Variants in EPHA6 observed in about 807,000 individuals in gnomAD.
EPHA6 encodes the protein EPH receptor A6, also known as ephrin type-A receptor 6.
Under a neutral mutation model 112.0 loss-of-function variants are expected in EPHA6, and 50 were observed. The observed-to-expected ratio is 0.45, with a 90% CI of 0.36 to 0.56. The LOEUF (loss-of-function observed/expected upper bound fraction) is 0.56, where lower values mean the gene tolerates loss of function less well. Ranked by LOEUF, EPHA6 falls within the 20% of genes least tolerant of loss-of-function variation. The pLI, the probability that EPHA6 is intolerant of heterozygous loss-of-function variation, is 0.00. For missense variants in EPHA6, 1,280 were observed against 1,417.4 expected, an observed-to-expected ratio of 0.90 and a Z score of 1.56; for synonymous variants, 529 against 490.7, an observed-to-expected ratio of 1.08 and a Z score of -1.03.
chr3:97,450,160 C>A (rs1384033457), intron 7 of EPHA6, among the ~76,000 whole-genome samples: 2 of 151,968 alleles, frequency 1.3e-5, no homozygotes, highest in African/African-American at 4.8e-5. Context: ...GTATTATGAT[C>A]ACAAAACATA....
chr3:97,135,842 C>T (rs773979508), intron 3 of EPHA6, among the ~76,000 whole-genome samples: 54 of 151,494 alleles, frequency 3.6e-4, no homozygotes, highest in Non-Finnish European at 5.3e-4. Flanking sequence ...CTCAACTAGA[C>T]GCTGGATTAA....
At chr3:97,074,616 G>A (rs1031944686) in intron 3 of EPHA6, among the ~76,000 whole-genome samples, 2 of 151,662 alleles carry the variant, frequency 1.3e-5, no homozygotes, top group African/African-American at 2.4e-5. Context: ...CAATAGAAAC[G>A]TTTTAATTTT....
rs573617035 is a variant in EPHA6, at chr3:97,627,979, C to A, written c.2575-9894C>A. Among the ~76,000 whole-genome samples the A allele has an allele frequency of 3.9e-5, 6 of 151,974 alleles. No individual in the cohort carries two copies. The East Asian group carries it at 7.8e-4, about 20-fold the overall frequency. On this transcript the variant is annotated intron_variant, in intron 13 of 17. Coordinates refer to ENST00000389672, the MANE Select transcript of EPHA6 (RefSeq NM_001080448.3). The stretch of plus-strand genomic sequence containing the variant: ...ACTACTGAAATGAGGCCTAGTAGGC[C>A]ATTATAATGACTTTGACTCTTCTCT...
At chr3:97,648,536 C>A in intron 14 of EPHA6, 1 of 1,259,284 alleles carries the variant, frequency 7.9e-7, no homozygotes. Flanking sequence ...TGAACATGTC[C>A]AACTTTAAGA....
intron 3 of EPHA6, among the ~76,000 whole-genome samples, chr3:97,213,599 G>A (rs2077940623): frequency 6.6e-6 from 1 of 152,112 alleles, no homozygotes; most frequent in African/African-American, 2.4e-5. Flanking sequence ...GTTCATTCAG[G>A]GCAGGAGAGG....
chr3:97,198,136 C>A (rs1405631426), intron 3 of EPHA6, among the ~76,000 whole-genome samples: 2 of 152,086 alleles, frequency 1.3e-5, no homozygotes, highest in Non-Finnish European at 2.9e-5. Context: ...GTACTATGGT[C>A]ACTCACCTGA....
At chr3:97,143,589 T>A (rs1419362294) in intron 3 of EPHA6, among the ~76,000 whole-genome samples, 1 of 151,804 alleles carries the variant, frequency 6.6e-6, no homozygotes, top group Non-Finnish European at 1.5e-5. Flanking sequence ...CTTATACAAC[T>A]ACCTCAATCT....
intron 3 of EPHA6, among the ~76,000 whole-genome samples, chr3:97,096,688 A>G (rs2047249671): frequency 6.6e-6 from 1 of 151,940 alleles, no homozygotes; most frequent in Non-Finnish European, 1.5e-5. Flanking sequence ...ACTTTTGCCT[A>G]TTTTATGTGA....
At chr3:97,413,735 T>C (rs2087902958) in intron 6 of EPHA6, among the ~76,000 whole-genome samples, 1 of 151,934 alleles carries the variant, frequency 6.6e-6, no homozygotes. Flanking sequence ...ATATTTTCTT[T>C]CACAAGCCAA....
At position 97,431,653 on chromosome 3, in the gene EPHA6, T is replaced by C. The variant is rs562254106; in HGVS notation, c.1732-16915T>C. 4.6e-5 allele frequency among the ~76,000 whole-genome samples: 7 copies of C among 152,260 alleles called. No individual in the cohort carries two copies. The South Asian group carries it at 1.4e-3, about 32-fold the overall frequency. ...ATATATATAGCTATTACAACTCCTG[T>C]TATCCACAACTCCTTGGTAATTTTC... On this transcript the variant is annotated intron_variant, in intron 6 of 17. Transcript: ENST00000389672.
chr3:97,584,909 G>A (rs2093474209), intron 11 of EPHA6, among the ~76,000 whole-genome samples: 1 of 152,322 alleles, frequency 6.6e-6, no homozygotes, highest in Admixed American at 6.5e-5. Context: ...TGAAAGAGAA[G>A]ATAAATAACT....
At position 97,473,841 on chromosome 3, in the gene EPHA6, TTTAAC is replaced by T. The variant is rs377584569; in HGVS notation, c.1895-1508_1895-1504del. 4.3e-3 allele frequency among the ~76,000 whole-genome samples: 658 copies of T among 151,956 alleles called. 3 individuals are homozygous for T. The highest frequency in any genetic ancestry group is 0.013 in the African/African-American group (551 of 41,546). ...TTATTTATTGGATAAGATGCAACTA[TTTAAC>T]TTGTCTCTGCACAGATTATGAGTGA... On this transcript the variant is annotated intron_variant, in intron 7 of 17. Coordinates refer to ENST00000389672, the MANE Select transcript of EPHA6 (RefSeq NM_001080448.3).
At chr3:97,582,526 A>G (rs2093447784) in intron 11 of EPHA6, among the ~76,000 whole-genome samples, 1 of 152,142 alleles carries the variant, frequency 6.6e-6, no homozygotes, top group South Asian at 2.1e-4. Flanking sequence ...CTACCTGGAA[A>G]AGTGGACATA....
intron 2 of EPHA6, among the ~76,000 whole-genome samples, chr3:96,935,714 TTATATATACATTA>T (rs1346068911): frequency 8.2e-5 from 12 of 146,560 alleles, no homozygotes; most frequent in Non-Finnish European, 1.5e-4. Flanking sequence ...TATATATACA[TTATATATACATTA>T]TATATATATA....
At chr3:96,881,604 C>A (rs1320724616) in intron 2 of EPHA6, among the ~76,000 whole-genome samples, 1 of 152,106 alleles carries the variant, frequency 6.6e-6, no homozygotes, top group East Asian at 1.9e-4. Flanking sequence ...CCCCTGGCCC[C>A]TGTCAAATCT....
At chr3:97,634,532 G>C (rs1204604959) in intron 13 of EPHA6, among the ~76,000 whole-genome samples, 1 of 152,058 alleles carries the variant, frequency 6.6e-6, no homozygotes, top group East Asian at 1.9e-4. Context: ...ACTTTGTTGG[G>C]AGGGCTCACA....
chr3:96,904,612 A>T (rs1311413059), intron 2 of EPHA6, among the ~76,000 whole-genome samples: 1 of 152,106 alleles, frequency 6.6e-6, no homozygotes, highest in East Asian at 1.9e-4. Context: ...TATAATTAAA[A>T]AAAAAAAACT....
In EPHA6 at chr3:96,918,170, A is replaced by G. The variant is rs1305331683; in HGVS notation, c.450+51281A>G. On this transcript the variant is annotated intron_variant, in intron 2 of 17. Coordinates refer to ENST00000389672, the MANE Select transcript of EPHA6 (RefSeq NM_001080448.3). ...TTGCATAGAGATTGGAACACAAAAA[A>G]GGATTATAAATCATAGATAGTAATA... 9.8e-5 allele frequency among the ~76,000 whole-genome samples: 15 copies of G among 152,320 alleles called. No homozygotes were observed. The East Asian group carries it at 2.9e-3, about 29-fold the overall frequency.
At chr3:97,541,711 T>C (rs1388858585) in intron 11 of EPHA6, among the ~76,000 whole-genome samples, 3 of 141,128 alleles carry the variant, frequency 2.1e-5, no homozygotes, top group Non-Finnish European at 1.5e-5. Flanking sequence ...CGGGTGTGTC[T>C]TGTTTTCTTT....
Sources: gnomAD v4.1 joint callset for allele counts (sites outside exome capture counted in the v4.1 genomes callset) on GRCh38, gnomAD v4.1.1 for gene constraint, MANE v1.5 for transcripts, NCBI Gene and HGNC (gene_info 2026-07-23, HGNC 2026-07-21) for gene names.